Variants in GPALPP1 observed in about 807,000 individuals in gnomAD.
The protein encoded by GPALPP1 is GPALPP motifs containing 1, also known as GPALPP motifs-containing protein 1.
Under a neutral mutation model 38.9 loss-of-function variants are expected in GPALPP1, and 30 were observed. The ratio of observed to expected loss-of-function variants is 0.77; its 90% CI spans 0.58 to 1.05. The LOEUF (loss-of-function observed/expected upper bound fraction) is 1.05, where lower values mean the gene tolerates loss of function less well. GPALPP1 is among the 50% of genes least tolerant of loss of function. The probability of loss-of-function intolerance (pLI) is 0.00; values close to 1 mark genes in which losing one functional copy is unlikely to be tolerated. For synonymous variants in GPALPP1, 120 were observed against 139.2 expected (o/e 0.86, Z 0.97); for missense variants, 384 against 408.8 (o/e 0.94, Z 0.52).
At position 45,006,250 on chromosome 13, in the gene GPALPP1, T is replaced by A. The variant is rs750797742; in HGVS notation, c.270T>A (p.Phe90Leu). 33 of 1,611,004 alleles carry A rather than the reference T, an allele frequency of 2.0e-5. No individual in the cohort carries two copies. The highest frequency in any genetic ancestry group is 2.8e-5 in the Non-Finnish European group (33 of 1,178,162). Residue 90 changes from phenylalanine to leucine, a missense_variant, in exon 3 of 8, where the codon TTT becomes TTA. Phe to Leu is a conservative substitution (Grantham distance 22). Transcript: ENST00000379151. ...ATGACGATGATGATGATGATGGGTT[T>A]TTTGGACCAGCCCTTCCTCCTGGAT... The part of the protein sequence containing the change: ...QDDDDDDDDG[F>L]FGPALPPGFK...
At chr13:45,021,504 G>T (rs1489783348) in intron 7 of GPALPP1, among the ~76,000 whole-genome samples, 1 of 152,094 alleles carries the variant, frequency 6.6e-6, no homozygotes, top group African/African-American at 2.4e-5. Flanking sequence ...ACCCACTATG[G>T]CCAGATGTAG....
At chr13:45,024,158 T>TGTGTGTGTGTGC (rs1566084417) in intron 7 of GPALPP1, among the ~76,000 whole-genome samples, 3 of 9,778 alleles carry the variant, frequency 3.1e-4, no homozygotes, top group African/African-American at 6.2e-4. Context: ...TGTGTGTGTG[T>TGTGTGTGTGTGC]GTGTGTGTGT....
intron 1 of GPALPP1, among the ~76,000 whole-genome samples, chr13:44,999,349 A>G (rs529081183): frequency 3.9e-5 from 6 of 152,330 alleles, no homozygotes; most frequent in African/African-American, 1.4e-4. Context: ...TCCTGTTCTC[A>G]TGGAATTTAT....
intron 6 of GPALPP1, among the ~76,000 whole-genome samples, chr13:45,019,797 A>C (rs911567097): frequency 1.2e-4 from 18 of 148,428 alleles, no homozygotes; most frequent in South Asian, 8.6e-4. Context: ...GATTGAGTGG[A>C]GTGGGTTTTT....
At chr13:45,006,358 A>G (rs1197733211) in intron 3 of GPALPP1, 55 bp downstream of exon 3, 2 of 827,810 alleles carry the variant, frequency 2.4e-6, no homozygotes, top group Admixed American at 4.8e-5. Context: ...TAACTAATGA[A>G]TCTTTAATGA....
chr13:45,003,998 A>G (rs1482118941), intron 1 of GPALPP1, among the ~76,000 whole-genome samples: 3 of 151,878 alleles, frequency 2.0e-5, no homozygotes, highest in Non-Finnish European at 4.4e-5. Context: ...CAACCAATGC[A>G]AAAACTGCAC....
At chr13:44,992,920 AC>A (rs1307052135) in intron 1 of GPALPP1, among the ~76,000 whole-genome samples, 1 of 152,160 alleles carries the variant, frequency 6.6e-6, no homozygotes, top group African/African-American at 2.4e-5. Context: ...CAAAACTGAA[AC>A]CTATTCCCAT....
At chr13:44,991,547 C>A (rs544479239) in intron 1 of GPALPP1, among the ~76,000 whole-genome samples, 1 of 152,330 alleles carries the variant, frequency 6.6e-6, no homozygotes, top group South Asian at 2.1e-4. Context: ...AACACATAAT[C>A]TCCCCTGCTA....
At position 45,004,330 on chromosome 13, in the gene GPALPP1, T is replaced by G; in HGVS notation, c.114T>G (p.Asn38Lys). ...TTGCAGGACCAGCTCTGCCCCCTAATTATAAAAGCAGTAGTTCAGATTCAT... is the reference window on the plus strand; with the variant it reads ...TTGCAGGACCAGCTCTGCCCCCTAAGTATAAAAGCAGTAGTTCAGATTCAT... ...SPVAGPALPP[N>K]YKSSSSDSSD... Residue 38 changes from asparagine (N) to lysine (K), a missense_variant, in exon 2 of 8, where the codon AAT (asparagine) becomes AAG (lysine). Asn to Lys is a moderately conservative substitution (Grantham distance 94). Coordinates refer to ENST00000379151, the MANE Select transcript of GPALPP1 (RefSeq NM_018559.5). The G allele has an allele frequency of 6.2e-7, 1 of 1,612,032 alleles. No individual in the cohort carries two copies. The highest frequency in any genetic ancestry group is 1.1e-5 in the South Asian group (1 of 90,968).
downstream of GPALPP1, among the ~76,000 whole-genome samples, chr13:45,032,763 C>T (rs919641688): frequency 1.4e-5 from 2 of 143,140 alleles, no homozygotes; most frequent in Non-Finnish European, 3.1e-5. Context: ...TGGCCAGGTG[C>T]GGTGGCTCAC....
At chr13:45,032,810 C>T (rs949114752), downstream of GPALPP1, among the ~76,000 whole-genome samples, 4 of 150,808 alleles carry the variant, frequency 2.7e-5, no homozygotes, top group East Asian at 2.0e-4. Context: ...CCAAGGCAGG[C>T]GGATTGCCTG....
At chr13:45,026,076 A>G (rs921567735) in intron 7 of GPALPP1, among the ~76,000 whole-genome samples, 1 of 151,404 alleles carries the variant, frequency 6.6e-6, no homozygotes, top group Admixed American at 6.6e-5. Flanking sequence ...AGCCTTGATT[A>G]CCTATTTTTT....
At chr13:45,033,417 A>G (rs1876297307), downstream of GPALPP1, 1 of 88,686 alleles carries the variant, frequency 1.1e-5, no homozygotes, top group Non-Finnish European at 2.5e-5. Flanking sequence ...CTGCAGTTTC[A>G]AAAGCTCATG....
intron 4 of GPALPP1, among the ~76,000 whole-genome samples, chr13:45,013,026 T>C (rs1033300785): frequency 6.6e-6 from 1 of 152,158 alleles, no homozygotes; most frequent in East Asian, 1.9e-4. Context: ...AAATGGAACT[T>C]TATCTTAACC....
Position 44,989,652 on chromosome 13 carries a change from C to G in GPALPP1, c.-3C>G. On this transcript the variant is annotated 5_prime_UTR_variant, in exon 1 of 8. Transcript: ENST00000379151. ...TATCTGTGACCAGTGTCCGCCACCG[C>G]GGATGGCAAGAGACCTGATCGGACC... The G allele has an allele frequency of 6.2e-7, 1 of 1,610,658 alleles. No homozygotes were observed.
chr13:45,021,768 A>C (rs1875448566), intron 7 of GPALPP1, among the ~76,000 whole-genome samples: 1 of 152,250 alleles, frequency 6.6e-6, no homozygotes, highest in Non-Finnish European at 1.5e-5. Context: ...AATGTGTGGG[A>C]TGCCATATGA....
chr13:44,995,202 A>ACACACACACACACACACC (rs755761092), intron 1 of GPALPP1, among the ~76,000 whole-genome samples: 2 of 54,474 alleles, frequency 3.7e-5, no homozygotes, highest in Admixed American at 2.0e-4. Flanking sequence ...ACACACACAC[A>ACACACACACACACACACC]CCCCTTCTCT....
At position 44,989,552 on chromosome 13, in the gene GPALPP1, C is replaced by T; in HGVS notation, c.-103C>T. 3.3e-6 allele frequency: 5 copies of T among 1,503,292 alleles called. No homozygotes were observed. The highest frequency in any genetic ancestry group is 4.6e-6 in the Non-Finnish European group (5 of 1,089,324). The allele number at this position is 1,503,292 out of a possible 1,614,324, so 93.1% of individuals were successfully genotyped here. A position where few individuals can be genotyped will look rare whatever the true frequency, so the allele number is the denominator to read the frequency against. On this transcript the variant is annotated 5_prime_UTR_variant, in exon 1 of 8. Coordinates refer to ENST00000379151, the MANE Select transcript of GPALPP1 (RefSeq NM_018559.5). ...ACAGGCTTTACGTCATTTCTCGGCG[C>T]CGGGAAACCTGCCATTCTTCGCTGC...
intron 1 of GPALPP1, among the ~76,000 whole-genome samples, chr13:44,997,468 C>CT (rs1271717981): frequency 2.0e-5 from 3 of 152,280 alleles, no homozygotes; most frequent in South Asian, 2.1e-4. Flanking sequence ...CATTTTGACT[C>CT]TAACTCCAGT....
Sources: allele counts gnomAD v4.1 joint callset (sites outside exome capture counted in the v4.1 genomes callset), GRCh38; gene constraint gnomAD v4.1.1; transcripts MANE v1.5; gene names NCBI Gene and HGNC (gene_info 2026-07-23, HGNC 2026-07-21).